The following NGF variants were observed in gnomAD, a reference collection of about 807,000 sequenced individuals.
NGF encodes the protein beta-nerve growth factor.
In NGF, 4 loss-of-function variants were observed where a neutral mutation model predicts 12.8. The ratio of observed to expected loss-of-function variants is 0.31; its 90% confidence interval spans 0.15 to 0.72. The LOEUF is 0.72. Ranked by LOEUF, NGF falls within the 30% of genes least tolerant of loss-of-function variation. The pLI is 0.69. For synonymous variants in NGF, 140 were observed against 130.0 expected (o/e 1.08, Z -0.52); for missense variants, 283 against 330.8 (o/e 0.86, Z 1.12).
chr1:115,324,285 C>T (rs1456058224), intron 1 of NGF, among the ~76,000 whole-genome samples: 1 of 152,234 alleles, frequency 6.6e-6, no homozygotes, highest in African/African-American at 2.4e-5. Context: ...CATGTGGTAC[C>T]GGCTCTATAT....
chr1:115,306,699 C>G (rs992247969), intron 1 of NGF, among the ~76,000 whole-genome samples: 3 of 152,176 alleles, frequency 2.0e-5, no homozygotes, highest in Admixed American at 6.5e-5. Flanking sequence ...TGCTCTAGCC[C>G]ACCAGCCCAT....
intron 1 of NGF, among the ~76,000 whole-genome samples, chr1:115,312,808 A>G (rs1364983120): frequency 6.6e-6 from 1 of 152,230 alleles, no homozygotes; most frequent in African/African-American, 2.4e-5. Context: ...AAAAGGGGTT[A>G]GTAAAAAGAA....
chr1:115,290,672 G>T (rs964096331), intron 2 of NGF, among the ~76,000 whole-genome samples: 1 of 152,100 alleles, frequency 6.6e-6, no homozygotes, highest in Non-Finnish European at 1.5e-5. Context: ...GATTATAGGC[G>T]TAAGCCACCA....
chr1:115,305,327 G>A lies in NGF; in HGVS notation c.-136-11577C>T, dbSNP rs181242612. On this transcript the variant is annotated intron_variant, in intron 1 of 2. Transcript: ENST00000369512. The stretch of plus-strand genomic sequence containing the variant: ...TTTACCTCAGTAGTGCTGTGGGGAA[G>A]TAGAAGGTCACACTGTTGAGTGGGT... Among the ~76,000 whole-genome samples, 17 of 152,306 alleles carry A rather than the reference G, an allele frequency of 1.1e-4. No individual in the cohort carries two copies. The East Asian group carries it at 3.3e-3, about 29-fold the overall frequency.
intron 2 of NGF, among the ~76,000 whole-genome samples, chr1:115,290,852 G>T (rs57825750): frequency 6.6e-6 from 1 of 152,056 alleles, no homozygotes; most frequent in Non-Finnish European, 1.5e-5. Flanking sequence ...CCTCCTCTAA[G>T]AAACTGTGAG....
In NGF at chr1:115,337,267, G is replaced by GTTTGTTTTTTTTTTTT; in HGVS notation, c.-137+936_-137+937insAAAAAAAAAAAACAAA. Among the ~76,000 whole-genome samples the GTTTGTTTTTTTTTTTT allele has an allele frequency of 3.3e-3, 267 of 81,018 alleles. 36 individuals are homozygous for GTTTGTTTTTTTTTTTT. The highest frequency in any genetic ancestry group is 8.2e-3 in the Middle Eastern group (1 of 122). 53.2% of individuals were successfully genotyped at this position (81,018 alleles called of 152,430 possible). Reference sequence around the variant, plus strand: ...TCGAAATTTTTTTTGTTTTGTTTTTGTTTTTTTTTTTTTTTTTTTTTTTTT... The same window carrying GTTTGTTTTTTTTTTTT: ...TCGAAATTTTTTTTGTTTTGTTTTTGTTTGTTTTTTTTTTTTTTTTTTTTTTTTTTTTTTTTTTTTT... On this transcript the variant is annotated intron_variant, in intron 1 of 2. Coordinates refer to ENST00000369512, the MANE Select transcript of NGF (RefSeq NM_002506.3).
At chr1:115,295,554 C>T (rs1653841791) in intron 1 of NGF, among the ~76,000 whole-genome samples, 1 of 152,096 alleles carries the variant, frequency 6.6e-6, no homozygotes, top group African/African-American at 2.4e-5. Context: ...TCCATAAACC[C>T]TTCATCTGGG....
chr1:115,316,421 T>C (rs540652251), intron 1 of NGF, among the ~76,000 whole-genome samples: 2 of 152,302 alleles, frequency 1.3e-5, no homozygotes, highest in Admixed American at 6.5e-5. Flanking sequence ...CACTTGTTTT[T>C]TTTGCAGAAA....
Position 115,333,915 on chromosome 1 carries a change from G to A in NGF, c.-137+4289C>T, listed in dbSNP as rs190952070. On this transcript the variant is annotated intron_variant, in intron 1 of 2. Coordinates refer to ENST00000369512, the MANE Select transcript of NGF (RefSeq NM_002506.3). ...CTGCAGTTCCTTTTCACTCCTACTT[G>A]TAATGAGTTGGGCATGAGTAGAAAG... Among the ~76,000 whole-genome samples, 6 of 148,812 alleles carry A rather than the reference G, an allele frequency of 4.0e-5. No homozygotes were observed. The East Asian group carries it at 1.2e-3, about 29-fold the overall frequency.
At chr1:115,323,247 G>A (rs1654678612) in intron 1 of NGF, among the ~76,000 whole-genome samples, 1 of 152,142 alleles carries the variant, frequency 6.6e-6, no homozygotes, top group African/African-American at 2.4e-5. Flanking sequence ...GTATGGGTCT[G>A]AGCCTTCATC....
In NGF at chr1:115,333,135, G is replaced by C. The variant is rs559161134; in HGVS notation, c.-137+5069C>G. On this transcript the variant is annotated intron_variant, in intron 1 of 2. Transcript: ENST00000369512. Reference sequence around the variant, plus strand: ...CTGAGCTCTTGAGACCATCCTCCCTGGGCTCACTTAGCAACTGCACACAGA... The same window carrying C: ...CTGAGCTCTTGAGACCATCCTCCCTCGGCTCACTTAGCAACTGCACACAGA... Among the ~76,000 whole-genome samples the C allele has an allele frequency of 2.0e-5, 3 of 152,204 alleles. No homozygotes were observed. In the East Asian group the frequency reaches 5.8e-4, roughly 29 times the overall value.
rs138981634 is a variant in NGF, at chr1:115,313,169, T to C, written c.-136-19419A>G. ...GTCATGTGTGAAGGAAAGACCTGAA[T>C]ACTTTTGATGTTTCACATAGTAGCT... On this transcript the variant is annotated intron_variant, in intron 1 of 2. Coordinates refer to ENST00000369512, the MANE Select transcript of NGF (RefSeq NM_002506.3). Among the ~76,000 whole-genome samples the C allele has an allele frequency of 5.9e-3, 901 of 152,360 alleles. 5 individuals carry two copies. Among genetic ancestry groups the C allele is most frequent in the South Asian group, 0.024 (116 of 4,828 alleles).
In NGF at chr1:115,286,777, T is replaced by A; in HGVS notation, c.19A>T (p.Thr7Ser). Residue 7 changes from threonine (T) to serine (S), a missense_variant, in exon 3 of 3, where the codon ACT becomes TCT. Physicochemically the swap from Thr to Ser is moderately conservative, Grantham distance 58. Around this residue, in one of 2 missense-constraint regions of NGF, gnomAD observed 151 missense variants for 141.6 expected, o/e 1.07. Transcript: ENST00000369512. The part of the protein sequence containing the change: MSMLFY[T>S]LITAFLIGIQ... ...CCGATCAGAAAAGCTGTGATCAGAG[T>A]GTAGAACAACATGGACATTACGCTA... is the stretch of plus-strand genomic sequence containing the variant. 6.2e-7 allele frequency: 1 copy of A among 1,613,976 alleles called. No individual in the cohort carries two copies. The highest frequency in any genetic ancestry group is 8.5e-7 in the Non-Finnish European group (1 of 1,180,020).
intron 1 of NGF, among the ~76,000 whole-genome samples, chr1:115,312,336 A>G (rs1414200673): frequency 2.6e-5 from 4 of 152,226 alleles, no homozygotes; most frequent in African/African-American, 9.6e-5. Context: ...TCAATCAACC[A>G]GTATTCATTG....
intron 1 of NGF, among the ~76,000 whole-genome samples, chr1:115,334,960 CTG>C (rs1306336875): frequency 6.6e-6 from 1 of 152,182 alleles, no homozygotes; most frequent in Non-Finnish European, 1.5e-5. Flanking sequence ...AGTGAGGAAA[CTG>C]TAACAGGAAG....
At chr1:115,321,649 T>C (rs145778909) in intron 1 of NGF, among the ~76,000 whole-genome samples, 8 of 147,074 alleles carry the variant, frequency 5.4e-5, no homozygotes, top group Middle Eastern at 3.8e-3. Flanking sequence ...GGGCAGATGA[T>C]AGAGCATGCA....
At chr1:115,328,568 G>C (rs139681936) in intron 1 of NGF, among the ~76,000 whole-genome samples, 1 of 152,326 alleles carries the variant, frequency 6.6e-6, no homozygotes, top group East Asian at 1.9e-4. Context: ...GAAAATGTTA[G>C]ACTCTCTGCT....
intron 2 of NGF, among the ~76,000 whole-genome samples, chr1:115,288,925 A>T (rs551857845): frequency 9.1e-4 from 139 of 152,224 alleles, no homozygotes; most frequent in Admixed American, 1.4e-3. Flanking sequence ...TTTTAAGGCA[A>T]CACATTCTTC....
chr1:115,289,945 A>T (rs1324686249), intron 2 of NGF, among the ~76,000 whole-genome samples: 3 of 152,090 alleles, frequency 2.0e-5, no homozygotes, highest in African/African-American at 2.4e-5. Context: ...CCCCTAGTTC[A>T]GGTCATGGGA....
Sources: gnomAD v4.1 joint callset for allele counts (sites outside exome capture counted in the v4.1 genomes callset) on GRCh38, gnomAD v4.1.1 for gene constraint, gnomAD v4.1.1 regional missense constraint, MANE v1.5 for transcripts, NCBI Gene and HGNC (gene_info 2026-07-23, HGNC 2026-07-21) for gene names.